Variants in CTNNA3 observed in about 807,000 individuals in gnomAD.
CTNNA3 encodes the protein catenin alpha-3.
Under a neutral mutation model 95.7 loss-of-function variants are expected in CTNNA3, and 76 were observed. The observed-to-expected ratio is 0.79, with a 90% CI of 0.66 to 0.96. The LOEUF (loss-of-function observed/expected upper bound fraction) is 0.96, where lower values mean the gene tolerates loss of function less well. Ranked by LOEUF, CTNNA3 falls within the 40% of genes least tolerant of loss-of-function variation. The pLI, the probability that CTNNA3 is intolerant of heterozygous loss-of-function variation, is 0.00. For synonymous variants in CTNNA3, 431 were observed against 374.4 expected (o/e 1.15, Z -1.74); for missense variants, 1,191 against 1,089.8 (o/e 1.09, Z -1.31).
chr10:66,866,352 C>A (rs1844178188), intron 7 of CTNNA3, among the ~76,000 whole-genome samples: 1 of 152,204 alleles, frequency 6.6e-6, no homozygotes, highest in African/African-American at 2.4e-5. Context: ...GAGATTAGGT[C>A]TTCACCTTTG....
At chr10:67,162,227 G>T (rs1027375347) in intron 7 of CTNNA3, among the ~76,000 whole-genome samples, 2 of 151,966 alleles carry the variant, frequency 1.3e-5, no homozygotes, top group East Asian at 3.8e-4. Context: ...TTATTTTTAA[G>T]TTTTTCAAGT....
intron 7 of CTNNA3, among the ~76,000 whole-genome samples, chr10:67,096,196 A>G (rs1418714929): frequency 6.6e-6 from 1 of 151,826 alleles, no homozygotes; most frequent in Admixed American, 6.6e-5. Context: ...AGAAGTGATT[A>G]GTTTTATTTT....
chr10:65,960,909 T>C (rs960780261), intron 17 of CTNNA3, among the ~76,000 whole-genome samples: 24 of 152,220 alleles, frequency 1.6e-4, no homozygotes, highest in African/African-American at 5.8e-4. Flanking sequence ...ATTTTCTTTA[T>C]TTAATAAATG....
chr10:67,276,865 C>T (rs1227039256), intron 5 of CTNNA3, among the ~76,000 whole-genome samples: 1 of 151,608 alleles, frequency 6.6e-6, no homozygotes, highest in Non-Finnish European at 1.5e-5. Flanking sequence ...CCTATATATA[C>T]ATTGTGGTTC....
At chr10:66,973,690 C>T (rs898980591) in intron 7 of CTNNA3, among the ~76,000 whole-genome samples, 3 of 152,122 alleles carry the variant, frequency 2.0e-5, no homozygotes, top group African/African-American at 7.2e-5. Flanking sequence ...GTGGTGCGAT[C>T]TCGGCTCACT....
intron 9 of CTNNA3, among the ~76,000 whole-genome samples, chr10:66,632,576 A>T (rs1171832163): frequency 7.1e-6 from 1 of 140,726 alleles, no homozygotes. Context: ...AAAAAAAAAA[A>T]GAATGAAGAA....
At chr10:66,830,755 G>A (rs982906107) in intron 7 of CTNNA3, among the ~76,000 whole-genome samples, 6 of 151,978 alleles carry the variant, frequency 3.9e-5, no homozygotes, top group East Asian at 1.9e-4. Context: ...GACTACAGGC[G>A]CCCGCCATCA....
At chr10:66,219,016 T>C (rs1216299174) in intron 13 of CTNNA3, among the ~76,000 whole-genome samples, 9 of 152,206 alleles carry the variant, frequency 5.9e-5, no homozygotes, top group Non-Finnish European at 8.8e-5. Flanking sequence ...TGGTTATTCA[T>C]ATGCTTGTCC....
intron 10 of CTNNA3, among the ~76,000 whole-genome samples, chr10:66,611,742 T>A (rs1844336926): frequency 6.6e-6 from 1 of 152,172 alleles, no homozygotes; most frequent in Non-Finnish European, 1.5e-5. Flanking sequence ...TCCCATTTGC[T>A]AGGCTTCCAG....
intron 11 of CTNNA3, 145 bp downstream of exon 11, chr10:66,520,472 G>C: frequency 3.4e-6 from 2 of 594,178 alleles, no homozygotes; most frequent in Middle Eastern, 4.7e-4. Flanking sequence ...GGCTGGTATC[G>C]AATCCCTGAC....
Position 67,179,539 on chromosome 10 carries a change from G to A in CTNNA3, c.1047+778C>T, listed in dbSNP as rs547418051. 2.7e-3 allele frequency among the ~76,000 whole-genome samples: 379 copies of A among 142,872 alleles called. 2 individuals carry two copies. Among genetic ancestry groups the A allele is most frequent in the African/African-American group, 9.0e-3 (344 of 38,160 alleles). 93.7% of individuals were successfully genotyped at this position (142,872 alleles called of 152,430 possible). A position where few individuals can be genotyped will look rare whatever the true frequency, so the allele number is the denominator to read the frequency against. ...ACTAGACACTGTCACATTTGAAAAAGATTAAGAGCTGCCAAAACTACGTGG... is the reference window on the plus strand; with the variant it reads ...ACTAGACACTGTCACATTTGAAAAAAATTAAGAGCTGCCAAAACTACGTGG... On this transcript the variant is annotated intron_variant, in intron 7 of 17. Coordinates refer to ENST00000433211, the MANE Select transcript of CTNNA3 (RefSeq NM_013266.4).
intron 7 of CTNNA3, among the ~76,000 whole-genome samples, chr10:67,050,178 G>A (rs1854993791): frequency 6.6e-6 from 1 of 152,184 alleles, no homozygotes; most frequent in African/African-American, 2.4e-5. Context: ...CAGAATGCAT[G>A]TAGAACATGC....
chr10:67,193,069 T>G (rs1469774862), intron 6 of CTNNA3, among the ~76,000 whole-genome samples: 1 of 149,968 alleles, frequency 6.7e-6, no homozygotes, highest in Non-Finnish European at 1.5e-5. Context: ...TTTACATAAA[T>G]CATAAAAACA....
intron 7 of CTNNA3, among the ~76,000 whole-genome samples, chr10:66,834,813 G>A (rs1842835937): frequency 1.3e-5 from 2 of 152,320 alleles, no homozygotes; most frequent in African/African-American, 4.8e-5. Flanking sequence ...TTTAAACTGT[G>A]CTTTTCATGC....
intron 9 of CTNNA3, among the ~76,000 whole-genome samples, chr10:66,633,210 C>T (rs934950720): frequency 9.9e-5 from 15 of 152,008 alleles, no homozygotes; most frequent in East Asian, 1.9e-4. Context: ...CTCACAGCCA[C>T]GTGAAAACTT....
At chr10:67,364,372 A>T (rs1843122806) in intron 5 of CTNNA3, among the ~76,000 whole-genome samples, 2 of 152,202 alleles carry the variant, frequency 1.3e-5, no homozygotes, top group Admixed American at 1.3e-4. Context: ...TATCATACTG[A>T]ATGGCAAAAA....
chr10:67,273,303 A>C (rs10997604), intron 5 of CTNNA3, among the ~76,000 whole-genome samples: 24,374 of 152,164 alleles, frequency 0.16, 2,932 homozygotes, highest in African/African-American at 0.32. Context: ...TAAAAATGGG[A>C]AAACTATGTT....
chr10:66,024,167 G>A (rs912442384), intron 15 of CTNNA3, among the ~76,000 whole-genome samples: 9 of 136,246 alleles, frequency 6.6e-5, no homozygotes, highest in South Asian at 2.4e-4. Flanking sequence ...TGGGCTCACC[G>A]CAAGCTCCGC....
chr10:66,266,286 C>T (rs1051530032), intron 13 of CTNNA3, among the ~76,000 whole-genome samples: 4 of 151,986 alleles, frequency 2.6e-5, no homozygotes, highest in African/African-American at 9.7e-5. Flanking sequence ...TCCAGAGCTA[C>T]TATAACACGT....
Sources: gnomAD v4.1 joint callset for allele counts (sites outside exome capture counted in the v4.1 genomes callset) on GRCh38, gnomAD v4.1.1 for gene constraint, MANE v1.5 for transcripts, NCBI Gene and HGNC (gene_info 2026-07-23, HGNC 2026-07-21) for gene names.